HMG20A: variants seen among roughly 807,000 people sequenced by gnomAD.
The protein encoded by HMG20A is high mobility group protein 20A.
A neutral mutation model predicts 43.9 loss-of-function variants in HMG20A; 17 were observed. The observed-to-expected ratio is 0.39, with a 90% confidence interval of 0.27 to 0.58. HMG20A has a LOEUF of 0.58. HMG20A is among the 20% of genes least tolerant of loss of function. HMG20A has a pLI of 0.59. For missense variants in HMG20A, 341 were observed against 438.2 expected, an observed-to-expected ratio of 0.78 and a Z score of 1.98; for synonymous variants, 132 against 147.5, an observed-to-expected ratio of 0.89 and a Z score of 0.76.
chr15:77,450,616 T>TA (rs1394563314), intron 1 of HMG20A, among the ~76,000 whole-genome samples: 2 of 152,244 alleles, frequency 1.3e-5, no homozygotes, highest in South Asian at 2.1e-4. Context: ...TACTTAACAG[T>TA]AAAAAATGTG....
At chr15:77,500,515 C>A in the HMG20A span, among the ~76,000 whole-genome samples, 1 of 152,084 alleles carries the variant, frequency 6.6e-6, no homozygotes. Flanking sequence ...TCACCACTAC[C>A]CATTAGGCAA....
intron 1 of HMG20A, among the ~76,000 whole-genome samples, chr15:77,428,173 G>A (rs1182655673): frequency 1.3e-5 from 2 of 152,180 alleles, no homozygotes; most frequent in South Asian, 2.1e-4. Flanking sequence ...TAAACAGAGC[G>A]AAAGATCTTG....
intron 1 of HMG20A, among the ~76,000 whole-genome samples, chr15:77,450,765 G>C (rs2073728067): frequency 6.6e-6 from 1 of 152,180 alleles, no homozygotes; most frequent in African/African-American, 2.4e-5. Context: ...TGTTTTTATT[G>C]TGACCCATTA....
chr15:77,444,124 A>C (rs1031167719), intron 1 of HMG20A, among the ~76,000 whole-genome samples: 7 of 152,206 alleles, frequency 4.6e-5, no homozygotes, highest in Admixed American at 2.6e-4. Flanking sequence ...TTGTATGCAG[A>C]GCTTGTAAAG....
At chr15:77,516,431 A>G in the HMG20A span, among the ~76,000 whole-genome samples, 2 of 152,138 alleles carry the variant, frequency 1.3e-5, no homozygotes, top group Non-Finnish European at 2.9e-5. Context: ...AGCCATGATC[A>G]AGTTGCTGCA....
chr15:77,428,999 A>T (rs1157407325), intron 1 of HMG20A, among the ~76,000 whole-genome samples: 1 of 151,488 alleles, frequency 6.6e-6, no homozygotes, highest in Non-Finnish European at 1.5e-5. Flanking sequence ...CCTCTAGAAC[A>T]TAGGCCTTTA....
chr15:77,477,706 C>A, intron 7 of HMG20A, 76 bp downstream of exon 7: 1 of 955,172 alleles, frequency 1.0e-6, no homozygotes, highest in South Asian at 1.4e-5. Flanking sequence ...ATTCATTGCT[C>A]AAAAGCAATG....
chr15:77,453,630 A>G (rs1476097177), intron 1 of HMG20A, among the ~76,000 whole-genome samples: 1 of 152,242 alleles, frequency 6.6e-6, no homozygotes, highest in Non-Finnish European at 1.5e-5. Flanking sequence ...ACAAATGTTC[A>G]TAAGCAGCAG....
intron 1 of HMG20A, among the ~76,000 whole-genome samples, chr15:77,439,670 T>C (rs908362131): frequency 6.6e-6 from 1 of 152,226 alleles, no homozygotes; most frequent in Non-Finnish European, 1.5e-5. Context: ...TTTGAGGCTA[T>C]TATTTAAAAA....
At chr15:77,495,346 G>A in the HMG20A span, among the ~76,000 whole-genome samples, 12 of 152,096 alleles carry the variant, frequency 7.9e-5, no homozygotes, top group Non-Finnish European at 1.6e-4. Flanking sequence ...TCAGGCGTTC[G>A]AGACCAGCCT....
In HMG20A at chr15:77,485,225, C is replaced by T. The variant is rs1274027739; in HGVS notation, c.*2262C>T. The T allele has an allele frequency of 6.6e-6, 1 of 152,658 alleles. No individual in the cohort carries two copies. Among genetic ancestry groups the T allele is most frequent in the Non-Finnish European group, 1.5e-5 (1 of 68,048 alleles). 9.5% of individuals were successfully genotyped at this position (152,658 alleles called of 1,614,324 possible). Reference sequence around the variant, plus strand: ...TATCTATAGACCAGGTCTGTGCCACCTCCTCTCTCCTCTGTGCTCAGTGAG... The same window carrying T: ...TATCTATAGACCAGGTCTGTGCCACTTCCTCTCTCCTCTGTGCTCAGTGAG... On this transcript the variant is annotated 3_prime_UTR_variant, in exon 10 of 10. Coordinates refer to ENST00000336216, the MANE Select transcript of HMG20A (RefSeq NM_001304504.2).
chr15:77,506,360 C>T, the HMG20A span, among the ~76,000 whole-genome samples: 1 of 152,108 alleles, frequency 6.6e-6, no homozygotes, highest in African/African-American at 2.4e-5. Flanking sequence ...CACTCCCCTC[C>T]CTCTCCACCA....
intron 9 of HMG20A, among the ~76,000 whole-genome samples, chr15:77,480,471 A>G (rs2072896320): frequency 6.6e-6 from 1 of 151,668 alleles, no homozygotes; most frequent in Non-Finnish European, 1.5e-5. Context: ...AAATTAGCTG[A>G]GCATGATGGC....
At chr15:77,506,119 C>T in the HMG20A span, among the ~76,000 whole-genome samples, 1 of 151,454 alleles carries the variant, frequency 6.6e-6, no homozygotes, top group Non-Finnish European at 1.5e-5. Context: ...ACAGGACACC[C>T]AGTTAAATTT....
rs142477240 is a variant in HMG20A, at chr15:77,473,352, A to G, written c.615+1538A>G. Among the ~76,000 whole-genome samples the G allele has an allele frequency of 1.2e-4, 19 of 152,338 alleles. No homozygotes were observed. In the East Asian group the frequency reaches 3.5e-3, roughly 28 times the overall value. ...TTTTCATATTAGCAGACATTTGTAT[A>G]ATTACTTCTCTCTTTCTTTGCCTGT... On this transcript the variant is annotated intron_variant, in intron 6 of 9. Coordinates refer to ENST00000336216, the MANE Select transcript of HMG20A (RefSeq NM_001304504.2).
intron 1 of HMG20A, among the ~76,000 whole-genome samples, chr15:77,443,605 T>C (rs1189662898): frequency 1.3e-5 from 2 of 151,816 alleles, no homozygotes; most frequent in Non-Finnish European, 2.9e-5. Flanking sequence ...TTGGCCAGGC[T>C]CGTCTTGAAC....
At chr15:77,501,394 C>T in the HMG20A span, among the ~76,000 whole-genome samples, 1 of 152,216 alleles carries the variant, frequency 6.6e-6, no homozygotes, top group Non-Finnish European at 1.5e-5. Flanking sequence ...GTTGCAGCAG[C>T]ACTGGGCATG....
the HMG20A span, among the ~76,000 whole-genome samples, chr15:77,511,149 G>C: frequency 2.0e-5 from 3 of 152,306 alleles, no homozygotes; most frequent in South Asian, 6.2e-4. Flanking sequence ...TGTTGGAGAA[G>C]GAAGTTGAAA....
chr15:77,509,632 A>T, the HMG20A span, among the ~76,000 whole-genome samples: 1 of 149,672 alleles, frequency 6.7e-6, no homozygotes, highest in Non-Finnish European at 1.5e-5. Context: ...CAGGCTGGGC[A>T]CAGTGGCTGA....
Sources: allele counts gnomAD v4.1 joint callset (sites outside exome capture counted in the v4.1 genomes callset), GRCh38; gene constraint gnomAD v4.1.1; transcripts MANE v1.5; gene names NCBI Gene and HGNC (gene_info 2026-07-23, HGNC 2026-07-21).